Variants in GUCY2C observed in about 807,000 individuals in gnomAD.
The protein encoded by GUCY2C is guanylate cyclase 2C.
In GUCY2C, 118 loss-of-function variants were observed where a neutral mutation model predicts 131.1. The ratio of observed to expected loss-of-function variants is 0.90; its 90% CI spans 0.78 to 1.05. GUCY2C has a LOEUF of 1.05. Among genes scored for constraint, GUCY2C ranks in the 50% least tolerant of loss-of-function variants. The pLI, the probability that GUCY2C is intolerant of heterozygous loss-of-function variation, is 0.00. For synonymous variants in GUCY2C, 452 were observed against 457.8 expected, an observed-to-expected ratio of 0.99 and a Z score of 0.16; for missense variants, 1,161 against 1,304.4, an observed-to-expected ratio of 0.89 and a Z score of 1.69.
In GUCY2C at chr12:14,643,821, A is replaced by G. The variant is rs77850856; in HGVS notation, c.1798-115T>C. 0.016 allele frequency: 13,531 copies of G among 863,404 alleles called. 390 individuals carry two copies. The highest frequency in any genetic ancestry group is 0.1 in the African/African-American group (6,082 of 59,180). 53.5% of individuals were successfully genotyped at this position (863,404 alleles called of 1,614,324 possible). A position where few individuals can be genotyped will look rare whatever the true frequency, so the allele number is the denominator to read the frequency against. On this transcript the variant is annotated intron_variant, in intron 16 of 26. Transcript: ENST00000261170. ...TTTCAGCAGATGGTCACACCATCAG[A>G]TTTTAATTTTAGTCCCACTATTTTT...
At chr12:14,653,071 C>G in intron 12 of GUCY2C, 57 bp from the exon 13 acceptor site, 1 of 1,263,010 alleles carries the variant, frequency 7.9e-7, no homozygotes, top group Non-Finnish European at 1.2e-6. Context: ...CTACTCACTG[C>G]CTGTCAAAGG....
chr12:14,666,474 C>T (rs1947982013), intron 10 of GUCY2C, among the ~76,000 whole-genome samples: 1 of 152,214 alleles, frequency 6.6e-6, no homozygotes, highest in African/African-American at 2.4e-5. Context: ...GTGGCTCATG[C>T]CTGTAATCTC....
Position 14,614,230 on chromosome 12 carries a change from C to T in GUCY2C, c.3047+637G>A, listed in dbSNP as rs184407192. Among the ~76,000 whole-genome samples the T allele has an allele frequency of 6.6e-5, 10 of 152,158 alleles. 1 individual carries two copies. Among genetic ancestry groups the T allele is most frequent in the Admixed American group, 6.6e-4 (10 of 15,266 alleles). On this transcript the variant is annotated intron_variant, in intron 26 of 26. Transcript: ENST00000261170. ...ATGCTTTATTGCAGGGCAATATAGT[C>T]AGTTTTTCAGCAAGAACAAGATGAT...
intron 8 of GUCY2C, 74 bp from the exon 9 acceptor site, chr12:14,673,032 A>G (rs1466306388): frequency 2.4e-6 from 2 of 846,344 alleles, no homozygotes; most frequent in Non-Finnish European, 4.1e-6. Context: ...CATGACAGAG[A>G]GTGTAAAATG....
At chr12:14,630,928 G>A (rs904122184) in intron 19 of GUCY2C, among the ~76,000 whole-genome samples, 10 of 152,198 alleles carry the variant, frequency 6.6e-5, no homozygotes, top group African/African-American at 1.9e-4. Flanking sequence ...AAGGGCTTGA[G>A]AAAGGATATG....
At position 14,645,235 on chromosome 12, in the gene GUCY2C, A is replaced by AATG. The variant is rs768785412; in HGVS notation, c.1788_1790dup (p.Ile597dup). 1.3e-6 allele frequency: 2 copies of AATG among 1,510,736 alleles called. No homozygotes were observed. Among genetic ancestry groups the AATG allele is most frequent in the South Asian group, 2.3e-5 (2 of 87,952 alleles). 93.6% of individuals were successfully genotyped at this position (1,510,736 alleles called of 1,614,324 possible). A position where few individuals can be genotyped will look rare whatever the true frequency, so the allele number is the denominator to read the frequency against. On this transcript the variant is annotated inframe_insertion, in exon 16 of 27. Transcript: ENST00000261170. ...GTGTGTGTGTTTCTCTTACCTTAGC[A>AATG]ATGTCATACAAGACAGAGATCTTAA...
chr12:14,635,114 G>A (rs1288157233), intron 19 of GUCY2C, among the ~76,000 whole-genome samples: 1 of 152,136 alleles, frequency 6.6e-6, no homozygotes, highest in Non-Finnish European at 1.5e-5. Flanking sequence ...TAGAACAAGT[G>A]AACCTAACAT....
chr12:14,662,631 G>A (rs1947891864), intron 10 of GUCY2C, among the ~76,000 whole-genome samples: 1 of 141,848 alleles, frequency 7.0e-6, no homozygotes, highest in Admixed American at 7.4e-5. Flanking sequence ...AGCCAAGATT[G>A]CACCACTGCT....
intron 24 of GUCY2C, among the ~76,000 whole-genome samples, chr12:14,618,921 C>T (rs946080838): frequency 1.9e-4 from 29 of 151,984 alleles, no homozygotes; most frequent in African/African-American, 7.0e-4. Flanking sequence ...ATGGTAAATG[C>T]CAGGACTATT....
At position 14,641,910 on chromosome 12, in the gene GUCY2C, C is replaced by T. The variant is rs370168443; in HGVS notation, c.1931-691G>A. Reference sequence around the variant, plus strand: ...CGAGATCACACCACTGCACTCCAGCCTGGGTGACAGAGCGAGACTCCATCT... The same window carrying T: ...CGAGATCACACCACTGCACTCCAGCTTGGGTGACAGAGCGAGACTCCATCT... On this transcript the variant is annotated intron_variant, in intron 17 of 26. Coordinates refer to ENST00000261170, the MANE Select transcript of GUCY2C (RefSeq NM_004963.4). Among the ~76,000 whole-genome samples the T allele has an allele frequency of 1.5e-4, 22 of 150,640 alleles. No homozygotes were observed. In the East Asian group the frequency reaches 2.7e-3, roughly 19 times the overall value.
intron 10 of GUCY2C, among the ~76,000 whole-genome samples, chr12:14,663,240 T>G (rs1306490181): frequency 6.6e-6 from 1 of 152,238 alleles, no homozygotes; most frequent in Non-Finnish European, 1.5e-5. Flanking sequence ...CTTTCCATTA[T>G]GAACACATCT....
intron 8 of GUCY2C, among the ~76,000 whole-genome samples, chr12:14,673,755 G>A (rs1183855582): frequency 1.3e-5 from 2 of 152,152 alleles, no homozygotes; most frequent in African/African-American, 4.8e-5. Flanking sequence ...ATGCTCAACC[G>A]TGGTCATGGA....
chr12:14,677,694 C>T (rs1948265133), intron 6 of GUCY2C, among the ~76,000 whole-genome samples: 2 of 151,296 alleles, frequency 1.3e-5, no homozygotes, highest in South Asian at 4.2e-4. Context: ...CCTCAGCCTC[C>T]TGAGTAGCTG....
intron 24 of GUCY2C, among the ~76,000 whole-genome samples, chr12:14,618,643 A>C (rs192757720): frequency 6.6e-6 from 1 of 152,212 alleles, no homozygotes; most frequent in Non-Finnish European, 1.5e-5. Context: ...TCTATTAAAA[A>C]TTTAAAAATT....
At position 14,619,056 on chromosome 12, in the gene GUCY2C, G is replaced by A. The variant is rs1016479989; in HGVS notation, c.2875+155C>T. 3 of 553,518 alleles carry A rather than the reference G, an allele frequency of 5.4e-6. No homozygotes were observed. The East Asian group carries it at 8.7e-5, about 16-fold the overall frequency. 34.3% of individuals were successfully genotyped at this position (553,518 alleles called of 1,614,324 possible). ...AACAATGAAAGCAAATGTAGCAAAA[G>A]GTGGATTGACACGGGTTTGTGTTCA... On this transcript the variant is annotated intron_variant, in intron 24 of 26. Transcript: ENST00000261170.
At chr12:14,686,671 T>G (rs1439722452) in intron 2 of GUCY2C, among the ~76,000 whole-genome samples, 1 of 152,208 alleles carries the variant, frequency 6.6e-6, no homozygotes, top group Non-Finnish European at 1.5e-5. Flanking sequence ...TGGGTGATTA[T>G]TGATCTTATT....
At chr12:14,695,428 C>A (rs754675904) in intron 1 of GUCY2C, among the ~76,000 whole-genome samples, 1 of 151,740 alleles carries the variant, frequency 6.6e-6, no homozygotes, top group Non-Finnish European at 1.5e-5. Context: ...CAGACCACCC[C>A]CTCTCTACTA....
Position 14,625,905 on chromosome 12 carries a change from C to G in GUCY2C, c.2260G>C (p.Asp754His). Residue 754 changes from aspartate to histidine, a missense_variant, in exon 21 of 27, where the codon GAC becomes CAC. Coordinates refer to ENST00000261170, the MANE Select transcript of GUCY2C (RefSeq NM_004963.4). Reference protein sequence around the residue: ...TLAKIFGLFHDQKNESYMDTL... With the variant: ...TLAKIFGLFHHQKNESYMDTL... The stretch of plus-strand genomic sequence containing the variant: ...TCCATATAGCTTTCATTTTTTTGGT[C>G]ATGAAAAAGTCTGTAGGTAGTAATA... The G allele has an allele frequency of 6.2e-7, 1 of 1,609,704 alleles. No individual in the cohort carries two copies. The highest frequency in any genetic ancestry group is 1.3e-5 in the African/African-American group (1 of 74,806).
chr12:14,628,616 A>G, intron 20 of GUCY2C, 30 bp downstream of exon 20: 1 of 1,090,434 alleles, frequency 9.2e-7, no homozygotes, highest in South Asian at 1.2e-5. Flanking sequence ...CCCTGCAATT[A>G]GTGAATAAAA....
Sources: gnomAD v4.1 joint callset for allele counts (sites outside exome capture counted in the v4.1 genomes callset) on GRCh38, gnomAD v4.1.1 for gene constraint, MANE v1.5 for transcripts, NCBI Gene and HGNC (gene_info 2026-07-23, HGNC 2026-07-21) for gene names.